The following ZBTB7C variants were observed in gnomAD, a reference collection of about 807,000 sequenced individuals.
ZBTB7C encodes the protein zinc finger and BTB domain-containing protein 7C.
In ZBTB7C, 8 loss-of-function variants were observed where a neutral mutation model predicts 25.7. That is an observed-to-expected ratio of 0.31 (90% CI 0.18 to 0.56). The LOEUF is 0.56. Among genes scored for constraint, ZBTB7C ranks in the 20% least tolerant of loss-of-function variants. The pLI, the probability that ZBTB7C is intolerant of heterozygous loss-of-function variation, is 0.91. For synonymous variants in ZBTB7C, 394 were observed against 369.0 expected (o/e 1.07, Z -0.78); for missense variants, 824 against 855.2 (o/e 0.96, Z 0.46).
intron 2 of ZBTB7C, among the ~76,000 whole-genome samples, chr18:48,326,660 T>A (rs955516122): frequency 6.6e-6 from 1 of 152,116 alleles, no homozygotes; most frequent in Non-Finnish European, 1.5e-5. Flanking sequence ...TTCCAAGATG[T>A]ATAGTTAAGG....
At chr18:48,269,651 T>A (rs74380318) in intron 2 of ZBTB7C, among the ~76,000 whole-genome samples, 9,679 of 152,268 alleles carry the variant, frequency 0.064, 585 homozygotes, top group East Asian at 0.18. Context: ...CACTGTAAGG[T>A]ATGTTAACCT....
rs1040890398 is a variant in ZBTB7C at position 48,029,120 on chromosome 18, T to C, written c.*140A>G. On this transcript the variant is annotated 3_prime_UTR_variant, in exon 5 of 5. Transcript: ENST00000590800. ...GCTTTAGGAGCCCGGGAAAATGCCA[T>C]CACTGATAGTATTATTATTATTTTC... is the stretch of plus-strand genomic sequence containing the variant. 3.3e-6 allele frequency: 4 copies of C among 1,204,602 alleles called. No individual in the cohort carries two copies. The highest frequency in any genetic ancestry group is 4.4e-6 in the Non-Finnish European group (4 of 905,710). 74.6% of individuals were successfully genotyped at this position (1,204,602 alleles called of 1,614,324 possible). A position where few individuals can be genotyped will look rare whatever the true frequency, so the allele number is the denominator to read the frequency against.
At chr18:48,404,667 G>C (rs2048238410) in intron 1 of ZBTB7C, among the ~76,000 whole-genome samples, 1 of 152,194 alleles carries the variant, frequency 6.6e-6, no homozygotes, top group Non-Finnish European at 1.5e-5. Flanking sequence ...TTCTCACAAT[G>C]CCTGTGGGAA....
intron 2 of ZBTB7C, among the ~76,000 whole-genome samples, chr18:48,285,805 C>T (rs1451244437): frequency 6.6e-6 from 1 of 152,076 alleles, no homozygotes; most frequent in African/African-American, 2.4e-5. Flanking sequence ...GCTTGGGGTT[C>T]CATTTTTTCA....
intron 2 of ZBTB7C, among the ~76,000 whole-genome samples, chr18:48,331,074 C>T (rs1294249213): frequency 4.6e-5 from 7 of 152,120 alleles, no homozygotes; most frequent in Non-Finnish European, 1.0e-4. Context: ...CTGAACCACT[C>T]ATTTGTCCCG....
At chr18:48,272,066 T>C (rs1479588661) in intron 2 of ZBTB7C, among the ~76,000 whole-genome samples, 2 of 152,218 alleles carry the variant, frequency 1.3e-5, no homozygotes, top group Admixed American at 1.3e-4. Flanking sequence ...TGATGGTTAA[T>C]TTTTTTATGT....
intron 1 of ZBTB7C, among the ~76,000 whole-genome samples, chr18:48,338,966 TTCATAGTTCGTCATC>T (rs2046527297): frequency 6.6e-6 from 1 of 152,176 alleles, no homozygotes; most frequent in Non-Finnish European, 1.5e-5. Context: ...TGAACATCTT[TTCATAGTTCGTCATC>T]TCAGAGTGAG....
At chr18:48,078,678 GAGAAGATGCA>G (rs374955198) in intron 3 of ZBTB7C, among the ~76,000 whole-genome samples, 41 of 152,324 alleles carry the variant, frequency 2.7e-4, no homozygotes, top group Non-Finnish European at 5.6e-4. Flanking sequence ...TTCCAAAGCA[GAGAAGATGCA>G]AGAACCCATA....
intron 4 of ZBTB7C, among the ~76,000 whole-genome samples, chr18:48,032,503 T>C (rs2035805337): frequency 7.1e-6 from 1 of 140,150 alleles, no homozygotes. Flanking sequence ...GGTGCGATCT[T>C]GGCTCACTGC....
chr18:48,101,527 T>C (rs550762011), intron 3 of ZBTB7C, among the ~76,000 whole-genome samples: 2 of 152,366 alleles, frequency 1.3e-5, no homozygotes, highest in African/African-American at 2.4e-5. Flanking sequence ...CTGACCACGT[T>C]TCCAGTGCTC....
intron 1 of ZBTB7C, among the ~76,000 whole-genome samples, chr18:48,355,452 C>T (rs1311183650): frequency 6.6e-6 from 1 of 152,188 alleles, no homozygotes; most frequent in Non-Finnish European, 1.5e-5. Context: ...ACTCCTCACC[C>T]GAGCACTCCA....
At chr18:48,256,317 A>G (rs1461985977) in intron 2 of ZBTB7C, among the ~76,000 whole-genome samples, 1 of 152,094 alleles carries the variant, frequency 6.6e-6, no homozygotes, top group African/African-American at 2.4e-5. Context: ...TATAGGGATT[A>G]CAGCAGATTT....
chr18:48,278,213 G>A (rs1049324428), intron 2 of ZBTB7C, among the ~76,000 whole-genome samples: 6 of 152,166 alleles, frequency 3.9e-5, no homozygotes, highest in Admixed American at 2.6e-4. Context: ...AAAGAAATCA[G>A]GCTGTTCTGC....
chr18:48,124,650 A>C (rs2039740879), intron 3 of ZBTB7C, among the ~76,000 whole-genome samples: 1 of 152,170 alleles, frequency 6.6e-6, no homozygotes, highest in African/African-American at 2.4e-5. Context: ...ACTCACCCTC[A>C]GGTAGCTGAG....
intron 3 of ZBTB7C, among the ~76,000 whole-genome samples, chr18:48,121,993 G>GT (rs2039646393): frequency 6.6e-6 from 1 of 152,202 alleles, no homozygotes; most frequent in Non-Finnish European, 1.5e-5. Context: ...GTGACATGCT[G>GT]CAGTCCCTGG....
chr18:48,062,062 G>A (rs1040366976), intron 3 of ZBTB7C, among the ~76,000 whole-genome samples: 6 of 152,182 alleles, frequency 3.9e-5, no homozygotes, highest in African/African-American at 1.4e-4. Context: ...AAAATTTACA[G>A]GAGCTAAATC....
At chr18:48,394,830 G>A (rs1423282488) in intron 1 of ZBTB7C, among the ~76,000 whole-genome samples, 2 of 152,150 alleles carry the variant, frequency 1.3e-5, no homozygotes, top group Non-Finnish European at 2.9e-5. Context: ...GCAAATGCAC[G>A]GGGCTAAGAA....
intron 3 of ZBTB7C, among the ~76,000 whole-genome samples, chr18:48,163,585 AT>A (rs1169851653): frequency 6.6e-6 from 1 of 152,236 alleles, no homozygotes; most frequent in Non-Finnish European, 1.5e-5. Context: ...GACAGCTGGA[AT>A]CAGCCTTTCA....
At chr18:48,080,997 C>A (rs964345613) in intron 3 of ZBTB7C, among the ~76,000 whole-genome samples, 1 of 152,218 alleles carries the variant, frequency 6.6e-6, no homozygotes, top group African/African-American at 2.4e-5. Context: ...CTGAAATTTC[C>A]CTGGGAGCCT....
Sources: gnomAD v4.1 joint callset for allele counts (sites outside exome capture counted in the v4.1 genomes callset) on GRCh38, gnomAD v4.1.1 for gene constraint, MANE v1.5 for transcripts, NCBI Gene and HGNC (gene_info 2026-07-23, HGNC 2026-07-21) for gene names.